Variants in NEBL observed in about 807,000 individuals in gnomAD.
NEBL encodes nebulette.
In NEBL, 122 loss-of-function variants were observed where a neutral mutation model predicts 140.2. The ratio of observed to expected loss-of-function variants is 0.87; its 90% CI spans 0.75 to 1.01. The LOEUF is 1.01. Among genes scored for constraint, NEBL ranks in the 50% least tolerant of loss-of-function variants. The pLI is 0.00. For missense variants in NEBL, 1,365 were observed against 1,231.3 expected, an observed-to-expected ratio of 1.11 and a Z score of -1.62; for synonymous variants, 436 against 398.9, an observed-to-expected ratio of 1.09 and a Z score of -1.11.
intron 2 of NEBL, among the ~76,000 whole-genome samples, chr10:20,891,675 G>A (rs1847046857): frequency 6.6e-6 from 1 of 152,084 alleles, no homozygotes; most frequent in South Asian, 2.1e-4. Context: ...CTTAATTGTA[G>A]ACTCTATTTT....
intron 3 of NEBL, among the ~76,000 whole-genome samples, chr10:21,229,353 T>A (rs1337147241): frequency 6.6e-6 from 1 of 152,112 alleles, no homozygotes; most frequent in Non-Finnish European, 1.5e-5. Flanking sequence ...CCCGAGTGGT[T>A]GAGTCTGCAA....
chr10:20,964,208 G>T (rs1212999933), intron 3 of NEBL, among the ~76,000 whole-genome samples: 4 of 152,142 alleles, frequency 2.6e-5, no homozygotes, highest in Non-Finnish European at 5.9e-5. Flanking sequence ...ACAAGACCCT[G>T]TGATAGATCT....
In NEBL at chr10:20,850,445, C is replaced by G; in HGVS notation, c.1066G>C (p.Glu356Gln). 1 of 1,612,490 alleles carries G rather than the reference C, an allele frequency of 6.2e-7. No homozygotes were observed. Among genetic ancestry groups the G allele is most frequent in the Non-Finnish European group, 8.5e-7 (1 of 1,178,556 alleles). ...TTTGAAGCTTGATATGATGGTGTCT[C>G]AACAAATTCAAGCATTGGCTTTCCC... ...NKGKPMLEFV[E>Q]TPSYQASKEA... Residue 356 changes from glutamate to glutamine, a missense_variant, in exon 11 of 28, where the codon GAG becomes CAG. Around this residue, in one of 2 missense-constraint regions of NEBL, gnomAD observed 1,323 missense variants for 1,154.8 expected, o/e 1.15. Coordinates refer to ENST00000377122, the MANE Select transcript of NEBL (RefSeq NM_006393.3).
At chr10:21,112,974 G>A in intron 2 of NEBL, 1 of 324,284 alleles carries the variant, frequency 3.1e-6, no homozygotes, top group South Asian at 3.1e-5. Flanking sequence ...CCCTGGAAGT[G>A]GTAACAAGTT....
At chr10:21,024,992 T>C (rs1394486853) in intron 2 of NEBL, among the ~76,000 whole-genome samples, 1 of 152,214 alleles carries the variant, frequency 6.6e-6, no homozygotes, top group African/African-American at 2.4e-5. Flanking sequence ...GTGAAAGGTC[T>C]TCCTAAAAAA....
rs565308797 is a variant in NEBL at position 20,782,759 on chromosome 10, A to G, written c.*2988T>C. On this transcript the variant is annotated 3_prime_UTR_variant, in exon 28 of 28. Transcript: ENST00000377122. ...ATATTTCAAACTGGGCTACACTGCAAGTGTGTAAACAATAACAAGAAGACA... is the reference window on the plus strand; with the variant it reads ...ATATTTCAAACTGGGCTACACTGCAGGTGTGTAAACAATAACAAGAAGACA... 3.3e-5 allele frequency: 5 copies of G among 152,454 alleles called. No homozygotes were observed. The East Asian group carries it at 7.7e-4, about 24-fold the overall frequency. 9.4% of individuals were successfully genotyped at this position (152,454 alleles called of 1,614,324 possible). A position where few individuals can be genotyped will look rare whatever the true frequency, so the allele number is the denominator to read the frequency against.
intron 2 of NEBL, among the ~76,000 whole-genome samples, chr10:21,123,779 A>G (rs533799649): frequency 1.3e-5 from 2 of 150,580 alleles, no homozygotes; most frequent in African/African-American, 4.8e-5. Context: ...TTCAACATAT[A>G]TAATTTTATA....
intron 2 of NEBL, among the ~76,000 whole-genome samples, chr10:21,039,859 A>G (rs905475578): frequency 1.3e-5 from 2 of 152,174 alleles, no homozygotes; most frequent in Admixed American, 6.5e-5. Context: ...GAGCCAATCC[A>G]TAGTTTGAAA....
At chr10:20,814,447 A>G (rs1309183088) in intron 22 of NEBL, among the ~76,000 whole-genome samples, 2 of 146,114 alleles carry the variant, frequency 1.4e-5, no homozygotes, top group Non-Finnish European at 3.0e-5. Context: ...GTAAAAATTA[A>G]AAAAAAAAAA....
intron 3 of NEBL, among the ~76,000 whole-genome samples, chr10:21,208,645 C>A (rs556451002): frequency 6.6e-6 from 1 of 152,238 alleles, no homozygotes; most frequent in South Asian, 2.1e-4. Flanking sequence ...ACCATGAACC[C>A]AGGCTGCTTT....
intron 1 of NEBL, among the ~76,000 whole-genome samples, chr10:21,290,674 T>G (rs1370412428): frequency 6.6e-6 from 1 of 152,204 alleles, no homozygotes; most frequent in Non-Finnish European, 1.5e-5. Flanking sequence ...TTGTTCACAG[T>G]GCAGTTCTTC....
At chr10:21,127,662 G>A (rs1838903699) in intron 2 of NEBL, among the ~76,000 whole-genome samples, 1 of 152,036 alleles carries the variant, frequency 6.6e-6, no homozygotes. Context: ...AAATGATACT[G>A]GAAGGAAGCA....
chr10:20,828,769 GA>G lies in NEBL; in HGVS notation c.1672-136del. 5 of 573,470 alleles carry G rather than the reference GA, an allele frequency of 8.7e-6. No individual in the cohort carries two copies. The Admixed American group carries it at 1.3e-4, about 14-fold the overall frequency. The allele number at this position is 573,470 out of a possible 1,614,324, so 35.5% of individuals were successfully genotyped here. A position where few individuals can be genotyped will look rare whatever the true frequency, so the allele number is the denominator to read the frequency against. On this transcript the variant is annotated intron_variant, in intron 16 of 27. Coordinates refer to ENST00000377122, the MANE Select transcript of NEBL (RefSeq NM_006393.3). The stretch of plus-strand genomic sequence containing the variant: ...GTTTTTACTGACTTACACTCCCAGA[GA>G]GAGAGAGAGAGAGGTGGAGAGACAG...
chr10:20,967,028 G>A (rs962471523), intron 3 of NEBL, among the ~76,000 whole-genome samples: 9 of 152,032 alleles, frequency 5.9e-5, no homozygotes, highest in African/African-American at 1.7e-4. Context: ...GAGAGTTCAC[G>A]TTAAAAGGAG....
At chr10:20,936,737 T>C (rs1338345950) in intron 4 of NEBL, among the ~76,000 whole-genome samples, 1 of 152,256 alleles carries the variant, frequency 6.6e-6, no homozygotes, top group Non-Finnish European at 1.5e-5. Flanking sequence ...CCACTCATTA[T>C]AGTTTAATTT....
intron 2 of NEBL, among the ~76,000 whole-genome samples, chr10:21,098,813 A>G (rs1837327343): frequency 6.6e-6 from 1 of 152,242 alleles, no homozygotes; most frequent in South Asian, 2.1e-4. Context: ...CTGTAGCCAC[A>G]GGTTTAGCAA....
intron 3 of NEBL, among the ~76,000 whole-genome samples, chr10:21,243,874 C>CA (rs1469855464): frequency 1.7e-5 from 2 of 120,652 alleles, no homozygotes; most frequent in African/African-American, 6.4e-5. Context: ...CACTTTTGAG[C>CA]AAAAAAAGAA....
intron 2 of NEBL, among the ~76,000 whole-genome samples, chr10:21,109,181 C>G (rs992843046): frequency 7.9e-5 from 12 of 152,056 alleles, no homozygotes; most frequent in Admixed American, 6.6e-4. Context: ...TCATCAATAC[C>G]TAGTTTATTG....
chr10:20,813,852 A>C (rs1406739612), intron 23 of NEBL, 87 bp downstream of exon 23: 4 of 880,542 alleles, frequency 4.5e-6, no homozygotes, highest in Non-Finnish European at 7.7e-6. Flanking sequence ...TTTGTTAGTT[A>C]TCGGATTAAT....
Sources: gnomAD v4.1 joint callset for allele counts (sites outside exome capture counted in the v4.1 genomes callset) on GRCh38, gnomAD v4.1.1 for gene constraint, gnomAD v4.1.1 regional missense constraint, MANE v1.5 for transcripts, NCBI Gene and HGNC (gene_info 2026-07-23, HGNC 2026-07-21) for gene names.